The following SIDT2 variants were observed in gnomAD, a reference collection of about 807,000 sequenced individuals.
The protein encoded by SIDT2 is SID1 transmembrane family member 2, also known as SID1 transmembrane family, member 2.
Under a neutral mutation model 114.4 loss-of-function variants are expected in SIDT2, and 68 were observed. The observed-to-expected ratio is 0.59, with a 90% CI of 0.49 to 0.73. The LOEUF (loss-of-function observed/expected upper bound fraction) is 0.73, where lower values mean the gene tolerates loss of function less well. Among genes scored for constraint, SIDT2 ranks in the 30% least tolerant of loss-of-function variants. The pLI is 0.00. For synonymous variants in SIDT2, 470 were observed against 438.4 expected (o/e 1.07, Z -0.90); for missense variants, 918 against 1,097.1 (o/e 0.84, Z 2.31).
In SIDT2 at chr11:117,187,568, C is replaced by A. The variant is rs563683602; in HGVS notation, c.1088-60C>A. ...CCAGCCCCCACACCCTCTGCAGATG[C>A]TCAGAGCCCCTTTCCCTGCGGCCTC... On this transcript the variant is annotated intron_variant, in intron 11 of 25. Coordinates refer to ENST00000324225, the MANE Select transcript of SIDT2 (RefSeq NM_001040455.2). 3 of 1,599,512 alleles carry A rather than the reference C, an allele frequency of 1.9e-6. No homozygotes were observed. In the South Asian group the frequency reaches 3.3e-5, roughly 18 times the overall value.
chr11:117,186,735 G>C, intron 10 of SIDT2, 99 bp downstream of exon 10: 1 of 1,188,256 alleles, frequency 8.4e-7, no homozygotes, highest in African/African-American at 1.5e-5. Flanking sequence ...GGAAGGGCTG[G>C]GGGTTTCTGG....
At chr11:117,180,602 C>G (rs534524739) in intron 1 of SIDT2, among the ~76,000 whole-genome samples, 1 of 126,890 alleles carries the variant, frequency 7.9e-6, no homozygotes, top group Non-Finnish European at 1.6e-5. Context: ...GTTTTGTGAT[C>G]TCAGCTCACT....
At chr11:117,187,933 C>T (rs868643336) in intron 12 of SIDT2, 9 of 679,934 alleles carry the variant, frequency 1.3e-5, no homozygotes, top group Middle Eastern at 2.3e-4. Flanking sequence ...TGGCCAGATG[C>T]GGCAGCTGTG....
chr11:117,188,389 G>T lies in SIDT2; in HGVS notation c.1160-319G>T, dbSNP rs996079560. 3 of 423,556 alleles carry T rather than the reference G, an allele frequency of 7.1e-6. No individual in the cohort carries two copies. The highest frequency in any genetic ancestry group is 3.7e-5 in the Admixed American group (1 of 26,864). 26.2% of individuals were successfully genotyped at this position (423,556 alleles called of 1,614,324 possible). A position where few individuals can be genotyped will look rare whatever the true frequency, so the allele number is the denominator to read the frequency against. On this transcript the variant is annotated intron_variant, in intron 12 of 25. Coordinates refer to ENST00000324225, the MANE Select transcript of SIDT2 (RefSeq NM_001040455.2). This position sits in a 1 kb window ranked among gnomAD's most constrained non-coding sequence, Gnocchi z 4.0. ...ATGACTTGCCGAGTTCAATCCTGTT[G>T]TTTGTGTCTGCTGCCTGGGGTCTGC... is the stretch of plus-strand genomic sequence containing the variant.
chr11:117,179,171 T>G lies in SIDT2; in HGVS notation c.-93T>G. ...CTGGTCCTGGTGAGATGCTGGAAGC[T>G]GCGGCCGCAGCCGCAACCCGTCCCG... On this transcript the variant is annotated 5_prime_UTR_variant, in exon 1 of 26. Transcript: ENST00000324225. The G allele has an allele frequency of 8.0e-7, 1 of 1,253,634 alleles. No homozygotes were observed. Among genetic ancestry groups the G allele is most frequent in the Non-Finnish European group, 1.1e-6 (1 of 903,214 alleles). The allele number at this position is 1,253,634 out of a possible 1,614,324, so 77.7% of individuals were successfully genotyped here. A position where few individuals can be genotyped will look rare whatever the true frequency, so the allele number is the denominator to read the frequency against.
chr11:117,189,854 G>T, intron 15 of SIDT2, 98 bp from the exon 16 acceptor site: 1 of 1,072,806 alleles, frequency 9.3e-7, no homozygotes. Flanking sequence ...TAGCTGTGGT[G>T]GCACTTGCTG....
At chr11:117,187,808 G>C in intron 12 of SIDT2, 109 bp downstream of exon 12, 3 of 1,050,178 alleles carry the variant, frequency 2.9e-6, no homozygotes, top group Non-Finnish European at 4.4e-6. Context: ...CCTGGGAAGG[G>C]CCTGCTGTCT....
At chr11:117,183,571 G>A (rs2030381769) in intron 6 of SIDT2, among the ~76,000 whole-genome samples, 2 of 151,902 alleles carry the variant, frequency 1.3e-5, no homozygotes, top group South Asian at 4.1e-4. Context: ...CCGGGAGGCG[G>A]AGGTTGCAGT....
intron 1 of SIDT2, among the ~76,000 whole-genome samples, chr11:117,180,296 G>A (rs1387378506): frequency 2.0e-5 from 3 of 152,142 alleles, no homozygotes; most frequent in Non-Finnish European, 2.9e-5. Flanking sequence ...TGCCCCCAGT[G>A]CCTGGTTCTC....
Position 117,178,885 on chromosome 11 carries a change from C to G in SIDT2, c.-379C>G, listed in dbSNP as rs2030132790. On this transcript the variant is annotated 5_prime_UTR_variant, in exon 1 of 26. Transcript: ENST00000324225. Reference sequence around the variant, plus strand: ...CTCGCCTTCCTCCGCGGCCAGCCCCCGCCGCCGGCTCTTCCTCCCTCCCCT... The same window carrying G: ...CTCGCCTTCCTCCGCGGCCAGCCCCGGCCGCCGGCTCTTCCTCCCTCCCCT... 2 of 209,270 alleles carry G rather than the reference C, an allele frequency of 9.6e-6. No individual in the cohort carries two copies. The highest frequency in any genetic ancestry group is 1.8e-4 in the South Asian group (2 of 11,274). The allele number at this position is 209,270 out of a possible 1,614,324, so 13.0% of individuals were successfully genotyped here. A position where few individuals can be genotyped will look rare whatever the true frequency, so the allele number is the denominator to read the frequency against.
intron 4 of SIDT2, 126 bp from the exon 5 acceptor site, chr11:117,182,393 G>A (rs2030323341): frequency 1.2e-6 from 1 of 844,674 alleles, no homozygotes. Context: ...TGTCTCCTCG[G>A]AGAGCCTCCA....
chr11:117,191,812 G>T, intron 18 of SIDT2, 66 bp from the exon 19 acceptor site: 1 of 1,583,442 alleles, frequency 6.3e-7, no homozygotes, highest in Non-Finnish European at 8.6e-7. Context: ...GATTGTTGGG[G>T]CCAGGAGTTC....
At chr11:117,186,984 T>G in intron 10 of SIDT2, 1 of 1,456,184 alleles carries the variant, frequency 6.9e-7, no homozygotes, top group Non-Finnish European at 9.1e-7. Context: ...GGACCTTCTC[T>G]CTTAGCTTCT....
At chr11:117,189,281 G>C (rs1403381292) in intron 14 of SIDT2, 39 bp downstream of exon 14, 38 of 1,613,988 alleles carry the variant, frequency 2.4e-5, no homozygotes, top group Non-Finnish European at 3.2e-5. Context: ...CTGTTGGTGG[G>C]TGTGTGGCAG....
intron 24 of SIDT2, among the ~76,000 whole-genome samples, chr11:117,194,845 T>C (rs931471984): frequency 6.6e-6 from 1 of 151,754 alleles, no homozygotes; most frequent in African/African-American, 2.4e-5. Context: ...TCCCAGCACT[T>C]TGGGAGGCCG....
chr11:117,190,751 C>A lies in SIDT2; in HGVS notation c.1735+11C>A, dbSNP rs17120419. On this transcript the variant is annotated intron_variant, in intron 18 of 25. Transcript: ENST00000324225. The surrounding 1 kb of genome is among the most constrained non-coding windows in gnomAD (Gnocchi z 4.1). ...CCAATTTCCAGTTTGGTGAGTGGGG[C>A]GTCCTTCTTTTCTGGCTCAACCTAC... 44 of 1,602,568 alleles carry A rather than the reference C, an allele frequency of 2.7e-5. No individual in the cohort carries two copies. The highest frequency in any genetic ancestry group is 3.7e-5 in the Non-Finnish European group (43 of 1,169,678).
rs772605239 is a variant in SIDT2 at position 117,192,359 on chromosome 11, C to T, written c.1978C>T (p.Leu660=). 18 of 1,593,276 alleles carry T rather than the reference C, an allele frequency of 1.1e-5. No homozygotes were observed. The highest frequency in any genetic ancestry group is 5.2e-6 in the Non-Finnish European group (6 of 1,161,694). ...TQLYYMGRWK[L]DSGIFRRILH... ...GCTCTATTACATGGGCCGGTGGAAA[C>T]TGGGTAAGGGCACGCCCGGGGCAGG... Residue 660 remains leucine (L), a synonymous_variant, in exon 20 of 26, where the codon CTG becomes TTG. Coordinates refer to ENST00000324225, the MANE Select transcript of SIDT2 (RefSeq NM_001040455.2). The surrounding 1 kb of genome is among the most constrained non-coding windows in gnomAD (Gnocchi z 5.9).
chr11:117,181,135 C>G (rs967086778), intron 1 of SIDT2, among the ~76,000 whole-genome samples: 5 of 152,100 alleles, frequency 3.3e-5, no homozygotes, highest in Non-Finnish European at 7.4e-5. Context: ...TGGAGACTCG[C>G]AAGGCCTCCA....
Position 117,181,798 on chromosome 11 carries a change from G to C in SIDT2, c.306-9G>C. The C allele has an allele frequency of 1.2e-6, 2 of 1,614,048 alleles. No individual in the cohort carries two copies. Among genetic ancestry groups the C allele is most frequent in the Non-Finnish European group, 1.7e-6 (2 of 1,179,994 alleles). On this transcript the variant is annotated splice_polypyrimidine_tract_variant and intron_variant, in intron 2 of 25. Transcript: ENST00000324225. ...TGCTCACATCCTATCTCCCTGCTTC[G>C]GGCCATAGGTTTCAGCGCAAGTACC...
Sources: gnomAD v4.1 joint callset for allele counts (sites outside exome capture counted in the v4.1 genomes callset) on GRCh38, gnomAD v4.1.1 for gene constraint, Gnocchi (gnomAD v3.1) non-coding constraint, MANE v1.5 for transcripts, NCBI Gene and HGNC (gene_info 2026-07-23, HGNC 2026-07-21) for gene names.